Variants in DHRSX observed in about 807,000 individuals in gnomAD.
DHRSX encodes the protein dehydrogenase/reductase X-linked.
DHRSX carries 31 observed loss-of-function variants against 34.0 expected under a neutral mutation model. The ratio of observed to expected loss-of-function variants is 0.91; its 90% CI spans 0.69 to 1.23. The LOEUF is 1.23. Ranked by LOEUF, DHRSX falls within the 50% of genes most tolerant of loss-of-function variation. The pLI is 0.00. For missense variants in DHRSX, 414 were observed against 428.1 expected, an observed-to-expected ratio of 0.97 and a Z score of 0.29; for synonymous variants, 201 against 183.8, an observed-to-expected ratio of 1.09 and a Z score of -0.76.
rs756276521 is a variant in DHRSX at position 2,230,412 on chromosome X, G to C, written c.805-9183C>G. 3.3e-5 allele frequency among the ~76,000 whole-genome samples: 5 copies of C among 152,180 alleles called. No individual in the cohort carries two copies. The South Asian group carries it at 1.0e-3, about 32-fold the overall frequency. On this transcript the variant is annotated intron_variant, in intron 6 of 6. Coordinates refer to ENST00000334651, the MANE Select transcript of DHRSX (RefSeq NM_145177.3). ...ACACACACAAACCTGCTCTTACCAG[G>C]AATAAACACTCACCTGACAGACAAC... is the stretch of plus-strand genomic sequence containing the variant.
intron 3 of DHRSX, among the ~76,000 whole-genome samples, chrX:2,370,521 T>C (rs1194748311): frequency 6.6e-6 from 1 of 150,526 alleles, no homozygotes; most frequent in East Asian, 2.0e-4. Context: ...TCCACACAAC[T>C]GTGCTGTTGG....
chrX:2,466,982 T>G (rs2044505886), intron 1 of DHRSX, among the ~76,000 whole-genome samples: 1 of 151,578 alleles, frequency 6.6e-6, no homozygotes, highest in African/African-American at 2.4e-5. Context: ...GGAGAATCCC[T>G]TGAATGCGGG....
chrX:2,405,904 A>T (rs7889132), intron 3 of DHRSX, among the ~76,000 whole-genome samples: 8 of 67,258 alleles, frequency 1.2e-4, no homozygotes, highest in African/African-American at 4.6e-4. Context: ...ATGTGCATTT[A>T]AAAAAAAAAA....
chrX:2,363,690 T>C lies in DHRSX; in HGVS notation c.286+45055A>G, dbSNP rs1271800095. ...TATCATGCTGCCATTTTATCACCGT[T>C]CTATGGTATCATGCCTCCATTTTAT... is the stretch of plus-strand genomic sequence containing the variant. On this transcript the variant is annotated intron_variant, in intron 3 of 6. Transcript: ENST00000334651. Among the ~76,000 whole-genome samples, 124 of 147,064 alleles carry C rather than the reference T, an allele frequency of 8.4e-4. 3 individuals carry two copies. Among genetic ancestry groups the C allele is most frequent in the African/African-American group, 2.9e-3 (108 of 37,190 alleles).
intron 3 of DHRSX, among the ~76,000 whole-genome samples, chrX:2,322,768 T>C (rs2042328197): frequency 6.6e-6 from 1 of 151,988 alleles, no homozygotes; most frequent in African/African-American, 2.4e-5. Flanking sequence ...TATATGTTAA[T>C]CGACTTTATG....
chrX:2,358,146 T>TTG (rs2124583340), intron 3 of DHRSX, among the ~76,000 whole-genome samples: 1 of 152,254 alleles, frequency 6.6e-6, no homozygotes, highest in South Asian at 2.1e-4. Context: ...TAGCTAACAC[T>TTG]TGGTTTAAAG....
chrX:2,467,952 A>G (rs6567550), intron 1 of DHRSX, among the ~76,000 whole-genome samples: 62,246 of 147,118 alleles, frequency 0.42, 13,469 homozygotes, highest in South Asian at 0.56. Context: ...GACACAGTAA[A>G]ACTCCGTCTC....
At chrX:2,432,326 T>G (rs1038747924) in intron 1 of DHRSX, among the ~76,000 whole-genome samples, 4 of 152,140 alleles carry the variant, frequency 2.6e-5, no homozygotes, top group African/African-American at 9.7e-5. Flanking sequence ...CCAATAAAGA[T>G]AGTTCACAGA....
At chrX:2,380,783 T>C (rs1044503463) in intron 3 of DHRSX, among the ~76,000 whole-genome samples, 17 of 152,328 alleles carry the variant, frequency 1.1e-4, no homozygotes, top group Non-Finnish European at 2.2e-4. Flanking sequence ...AAGGTCGCCA[T>C]GTGCTATGGT....
chrX:2,331,436 G>GGGT (rs1249970222), intron 3 of DHRSX, among the ~76,000 whole-genome samples: 4 of 94,662 alleles, frequency 4.2e-5, no homozygotes, highest in African/African-American at 1.3e-4. Context: ...AGGTTTTTTG[G>GGGT]TTTTTTTTTT....
chrX:2,352,522 T>C (rs2042800457), intron 3 of DHRSX, among the ~76,000 whole-genome samples: 1 of 152,150 alleles, frequency 6.6e-6, no homozygotes, highest in Non-Finnish European at 1.5e-5. Flanking sequence ...CTGCTCACCA[T>C]GCGACAATTC....
chrX:2,222,468 G>C (rs1373376148), intron 6 of DHRSX, among the ~76,000 whole-genome samples: 1 of 152,210 alleles, frequency 6.6e-6, no homozygotes, highest in Non-Finnish European at 1.5e-5. Context: ...AATTGCGAGA[G>C]TTTTAGAAGC....
chrX:2,229,001 G>A (rs1385750999), intron 6 of DHRSX, among the ~76,000 whole-genome samples: 1 of 152,194 alleles, frequency 6.6e-6, no homozygotes, highest in Non-Finnish European at 1.5e-5. Flanking sequence ...ATGTCTCCTA[G>A]GGAGGAGGCT....
chrX:2,446,421 C>G (rs909547953), intron 1 of DHRSX, among the ~76,000 whole-genome samples: 4 of 149,492 alleles, frequency 2.7e-5, no homozygotes, highest in Non-Finnish European at 4.4e-5. Context: ...GTTCCCTAAG[C>G]ATGTGGCCCA....
chrX:2,410,578 T>G (rs1330593116), intron 2 of DHRSX, among the ~76,000 whole-genome samples: 1 of 152,208 alleles, frequency 6.6e-6, no homozygotes, highest in African/African-American at 2.4e-5. Context: ...ATTTACACAC[T>G]CTAACACAAG....
At chrX:2,368,981 T>C (rs2043026111) in intron 3 of DHRSX, among the ~76,000 whole-genome samples, 1 of 152,122 alleles carries the variant, frequency 6.6e-6, no homozygotes, top group Non-Finnish European at 1.5e-5. Flanking sequence ...TAAAAAAGAA[T>C]ATTTTGAAAC....
rs761284848 is a variant in DHRSX, at chrX:2,467,534, CAG to C, written c.109+33281_109+33282del. On this transcript the variant is annotated intron_variant, in intron 1 of 6. Coordinates refer to ENST00000334651, the MANE Select transcript of DHRSX (RefSeq NM_145177.3). ...CCAGAAACAGGAGACCGGACTGAAA[CAG>C]GGACAATGTGTGAGATGCCAAAAAC... is the stretch of plus-strand genomic sequence containing the variant. 4.0e-4 allele frequency among the ~76,000 whole-genome samples: 61 copies of C among 152,188 alleles called. 1 individual carries two copies. In the East Asian group the frequency reaches 9.7e-3, roughly 24 times the overall value.
intron 3 of DHRSX, among the ~76,000 whole-genome samples, chrX:2,339,723 T>C (rs1043725200): frequency 4.6e-5 from 7 of 152,138 alleles, no homozygotes; most frequent in African/African-American, 1.7e-4. Flanking sequence ...GGCTGCATAG[T>C]ATTCCATGGT....
At chrX:2,269,567 G>C (rs943094039) in intron 4 of DHRSX, among the ~76,000 whole-genome samples, 2 of 151,946 alleles carry the variant, frequency 1.3e-5, no homozygotes, top group African/African-American at 4.8e-5. Flanking sequence ...GAGGAGTTTC[G>C]CTCTTGTCGT....
Sources: gnomAD v4.1 joint callset for allele counts (sites outside exome capture counted in the v4.1 genomes callset) on GRCh38, gnomAD v4.1.1 for gene constraint, MANE v1.5 for transcripts, NCBI Gene and HGNC (gene_info 2026-07-23, HGNC 2026-07-21) for gene names.